ITPKB: variants seen among roughly 807,000 people sequenced by gnomAD.
ITPKB encodes the protein inositol-trisphosphate 3-kinase B.
In ITPKB, 13 loss-of-function variants were observed where a neutral mutation model predicts 69.4. That is an observed-to-expected ratio of 0.19 (90% CI 0.12 to 0.30). The LOEUF (loss-of-function observed/expected upper bound fraction) is 0.30. ITPKB is among the 10% of genes least tolerant of loss of function. The pLI is 1.00. For synonymous variants in ITPKB, 584 were observed against 513.7 expected (o/e 1.14, Z -1.85); for missense variants, 1,240 against 1,250.5 (o/e 0.99, Z 0.13).
chr1:226,643,837 G>A (rs1669011396), intron 4 of ITPKB, among the ~76,000 whole-genome samples: 1 of 152,182 alleles, frequency 6.6e-6, no homozygotes, highest in Admixed American at 6.5e-5. Flanking sequence ...GCACACACAT[G>A]CACATAAACG....
At chr1:226,702,399 GAA>G (rs397714660) in intron 2 of ITPKB, among the ~76,000 whole-genome samples, 10 of 136,862 alleles carry the variant, frequency 7.3e-5, no homozygotes, top group Non-Finnish European at 4.8e-5. Flanking sequence ...CTCCCTCTCG[GAA>G]AAAAAAAAAA....
chr1:226,723,579 G>T (rs143177246), intron 2 of ITPKB, among the ~76,000 whole-genome samples: 1 of 152,078 alleles, frequency 6.6e-6, no homozygotes, highest in East Asian at 1.9e-4. Context: ...GTGTGGGTGT[G>T]TGTGTATAGA....
intron 4 of ITPKB, among the ~76,000 whole-genome samples, chr1:226,646,725 C>T (rs947039309): frequency 7.9e-5 from 12 of 152,170 alleles, no homozygotes; most frequent in Non-Finnish European, 1.8e-4. Context: ...TCTCTCTTCC[C>T]ACTCACCAGG....
At chr1:226,636,891 CTT>C (rs1473963969) in intron 7 of ITPKB, among the ~76,000 whole-genome samples, 2 of 151,838 alleles carry the variant, frequency 1.3e-5, no homozygotes, top group Non-Finnish European at 2.9e-5. Context: ...ATACGTATGA[CTT>C]GTGTTAATGT....
chr1:226,689,637 T>C (rs1656302021), intron 2 of ITPKB, among the ~76,000 whole-genome samples: 1 of 151,180 alleles, frequency 6.6e-6, no homozygotes, highest in South Asian at 2.1e-4. Flanking sequence ...TTGTGTACTT[T>C]TAAGTTCAGA....
intron 2 of ITPKB, among the ~76,000 whole-genome samples, chr1:226,706,540 A>G (rs1373754274): frequency 6.6e-6 from 1 of 152,178 alleles, no homozygotes; most frequent in Non-Finnish European, 1.5e-5. Flanking sequence ...TCTCTCTGGA[A>G]AAAGGGTGTG....
At chr1:226,667,070 A>T (rs1026942620) in intron 2 of ITPKB, among the ~76,000 whole-genome samples, 1 of 151,950 alleles carries the variant, frequency 6.6e-6, no homozygotes, top group African/African-American at 2.4e-5. Context: ...TACCATGCGC[A>T]ATTATCACCT....
At chr1:226,686,124 A>G (rs1405860378) in intron 2 of ITPKB, among the ~76,000 whole-genome samples, 2 of 152,124 alleles carry the variant, frequency 1.3e-5, no homozygotes, top group Non-Finnish European at 2.9e-5. Flanking sequence ...CTTCAGCAGA[A>G]CCCAAGGGAA....
chr1:226,659,939 A>G (rs1262038927), intron 2 of ITPKB, among the ~76,000 whole-genome samples: 2 of 152,236 alleles, frequency 1.3e-5, no homozygotes, highest in Non-Finnish European at 2.9e-5. Context: ...CTAAGGGCCC[A>G]GGCCTGGAAG....
chr1:226,634,451 T>C lies in ITPKB; in HGVS notation c.*220A>G, dbSNP rs1406432783. 1.1e-5 allele frequency: 6 copies of C among 561,370 alleles called. No individual in the cohort carries two copies. The highest frequency in any genetic ancestry group is 8.3e-5 in the South Asian group (4 of 47,932). 34.8% of individuals were successfully genotyped at this position (561,370 alleles called of 1,614,324 possible). A position where few individuals can be genotyped will look rare whatever the true frequency, so the allele number is the denominator to read the frequency against. On this transcript the variant is annotated 3_prime_UTR_variant, in exon 8 of 8. Coordinates refer to ENST00000429204, the MANE Select transcript of ITPKB (RefSeq NM_002221.4). The surrounding 1 kb of genome is among the most constrained non-coding windows in gnomAD (Gnocchi z 6.3). ...CCTCTAAGACTGGGCATTTCTCTTC[T>C]AGTAGGTGACCCTCTCTACAAAAAG...
At chr1:226,732,178 G>A (rs971606056) in intron 2 of ITPKB, among the ~76,000 whole-genome samples, 21 of 150,446 alleles carry the variant, frequency 1.4e-4, no homozygotes, top group Non-Finnish European at 1.8e-4. Context: ...ATGAAGCCAA[G>A]GGTTTTGTAT....
rs370287570 is a variant in ITPKB at position 226,634,644 on chromosome 1, G to A, written c.*27C>T. On this transcript the variant is annotated 3_prime_UTR_variant, in exon 8 of 8. Coordinates refer to ENST00000429204, the MANE Select transcript of ITPKB (RefSeq NM_002221.4). The surrounding 1 kb of genome is among the most constrained non-coding windows in gnomAD (Gnocchi z 6.3). ...CACAGGAGGAGGAAAGGAGGCCCAG[G>A]CGGGGGCCAGGGAGGGCGTGGGCAG... 14 of 769,054 alleles carry A rather than the reference G, an allele frequency of 1.8e-5. No homozygotes were observed. In the African/African-American group the frequency reaches 2.0e-4, roughly 11 times the overall value. 47.6% of individuals were successfully genotyped at this position (769,054 alleles called of 1,614,324 possible).
intron 2 of ITPKB, among the ~76,000 whole-genome samples, chr1:226,682,037 C>T (rs1191184696): frequency 6.6e-6 from 1 of 152,232 alleles, no homozygotes; most frequent in East Asian, 1.9e-4. Context: ...CAGGCAGCTG[C>T]CACCATCTCA....
chr1:226,693,298 C>T (rs547537402), intron 2 of ITPKB, among the ~76,000 whole-genome samples: 40 of 152,336 alleles, frequency 2.6e-4, no homozygotes, highest in South Asian at 1.0e-3. Context: ...TCAGACCCTC[C>T]ACCATGCCCT....
At chr1:226,662,796 C>T (rs1308031762) in intron 2 of ITPKB, among the ~76,000 whole-genome samples, 1 of 152,230 alleles carries the variant, frequency 6.6e-6, no homozygotes, top group Non-Finnish European at 1.5e-5. Context: ...TGCTGATGTG[C>T]CTGTGGCTAA....
At position 226,677,094 on chromosome 1, in the gene ITPKB, T is replaced by A. The variant is rs547536187; in HGVS notation, c.1933-28323A>T. 3.9e-5 allele frequency among the ~76,000 whole-genome samples: 6 copies of A among 152,260 alleles called. No homozygotes were observed. In the East Asian group the frequency reaches 1.2e-3, roughly 29 times the overall value. On this transcript the variant is annotated intron_variant, in intron 2 of 7. Transcript: ENST00000429204. ...AAGCCTGGAGCAATTTGAAACGCCG[T>A]CCTAAGATCTTGAGGCCAAAGGCAT...
In ITPKB at chr1:226,737,372, A is replaced by T. The variant is rs1218186133; in HGVS notation, c.87T>A (p.Ser29Arg). 1.2e-6 allele frequency: 2 copies of T among 1,608,100 alleles called. No homozygotes were observed. The highest frequency in any genetic ancestry group is 1.7e-5 in the Admixed American group (1 of 59,878). The stretch of plus-strand genomic sequence containing the variant: ...TCGGGGGCGGGGGCGTCTCGCTGCC[A>T]CTGGGCCCCGGGCCGCCGCCGCTCT... ...EMKSGGGPGP[S>R]GSETPPPPRR... is the part of the protein sequence containing the mutation. Residue 29 changes from serine (S) to arginine (R), a missense_variant, in exon 2 of 8, where the codon AGT (serine) becomes AGA (arginine). Ser to Arg is a moderately radical substitution (Grantham distance 110). This residue lies in a region of ITPKB where 992 missense variants were observed against 853.8 expected (regional missense o/e 1.16). Transcript: ENST00000429204.
chr1:226,674,660 T>C (rs1382762606), intron 2 of ITPKB, among the ~76,000 whole-genome samples: 2 of 152,144 alleles, frequency 1.3e-5, no homozygotes, highest in South Asian at 2.1e-4. Flanking sequence ...TAAAATACTT[T>C]TAAGTATCTA....
rs1657834414 is a variant in ITPKB at position 226,737,520 on chromosome 1, C to T, written c.-62G>A. ...CGCTCCTGCTCCGCCGCCGGCGCCT[C>T]CTCCTCCCGGCGCTCCCGGCTCAGC... On this transcript the variant is annotated 5_prime_UTR_variant, in exon 2 of 8. Coordinates refer to ENST00000429204, the MANE Select transcript of ITPKB (RefSeq NM_002221.4). The T allele has an allele frequency of 7.0e-7, 1 of 1,423,268 alleles. No homozygotes were observed. Among genetic ancestry groups the T allele is most frequent in the Middle Eastern group, 2.6e-4 (1 of 3,852 alleles). The allele number at this position is 1,423,268 out of a possible 1,614,324, so 88.2% of individuals were successfully genotyped here. A position where few individuals can be genotyped will look rare whatever the true frequency, so the allele number is the denominator to read the frequency against.
Sources: allele counts gnomAD v4.1 joint callset (sites outside exome capture counted in the v4.1 genomes callset), GRCh38; gene constraint gnomAD v4.1.1; regional missense constraint gnomAD v4.1.1; non-coding constraint Gnocchi (gnomAD v3.1); transcripts MANE v1.5; gene names NCBI Gene and HGNC (gene_info 2026-07-23, HGNC 2026-07-21).